KIF15: variants seen among roughly 807,000 people sequenced by gnomAD.
KIF15 encodes the protein kinesin-like protein KIF15.
Under a neutral mutation model 190.6 loss-of-function variants are expected in KIF15, and 140 were observed. The observed-to-expected ratio is 0.73, with a 90% CI of 0.64 to 0.84. KIF15 has a LOEUF of 0.84. KIF15 is among the 40% of genes least tolerant of loss of function. The pLI is 0.00. For synonymous variants in KIF15, 528 were observed against 551.3 expected (o/e 0.96, Z 0.59); for missense variants, 1,372 against 1,584.4 (o/e 0.87, Z 2.28).
Position 44,800,414 on chromosome 3 carries a change from C to T in KIF15, c.1199C>T (p.Pro400Leu). ...GCGGAGCTTGCTTCAGGACAGACAC[C>T]ACCAGAAAGCTTCCTGACCAGAGGT... Reference protein sequence around the residue: ...QLAELASGQTPPESFLTRDKK... With the variant: ...QLAELASGQTLPESFLTRDKK... The change falls in exon 11 of 35, where the codon CCA becomes CTA. Residue 400 changes from proline (P) to leucine (L), a missense_variant. By Grantham distance (98) the Pro-to-Leu change is moderately conservative. Transcript: ENST00000326047. The T allele has an allele frequency of 6.2e-7, 1 of 1,614,034 alleles. No individual in the cohort carries two copies. The highest frequency in any genetic ancestry group is 8.5e-7 in the Non-Finnish European group (1 of 1,179,968).
chr3:44,803,274 A>G (rs1333902467), intron 14 of KIF15, among the ~76,000 whole-genome samples: 2 of 152,236 alleles, frequency 1.3e-5, no homozygotes, highest in African/African-American at 4.8e-5. Flanking sequence ...TTAAATTTTT[A>G]CTAAATTTTC....
intron 20 of KIF15, among the ~76,000 whole-genome samples, chr3:44,817,590 G>A (rs1300905845): frequency 1.3e-5 from 2 of 152,040 alleles, no homozygotes; most frequent in Non-Finnish European, 2.9e-5. Flanking sequence ...GTTCTGTTCC[G>A]TTGGTCTATA....
At chr3:44,849,598 A>G (rs1256449455) in intron 32 of KIF15, among the ~76,000 whole-genome samples, 1 of 152,206 alleles carries the variant, frequency 6.6e-6, no homozygotes, top group Non-Finnish European at 1.5e-5. Context: ...CTAAAATTTT[A>G]CATTTTTCCT....
chr3:44,762,009 C>G, intron 1 of KIF15, 125 bp downstream of exon 1: 1 of 1,251,558 alleles, frequency 8.0e-7, no homozygotes, highest in Middle Eastern at 1.9e-4. Flanking sequence ...GAGTGACCGG[C>G]GGGGACGTTT....
intron 20 of KIF15, among the ~76,000 whole-genome samples, chr3:44,819,516 CA>C (rs1308331809): frequency 6.6e-6 from 1 of 152,170 alleles, no homozygotes. Flanking sequence ...AGTAGTCATT[CA>C]GGAGCAAGTT....
chr3:44,779,867 A>G (rs980879320), intron 4 of KIF15, among the ~76,000 whole-genome samples: 4 of 151,834 alleles, frequency 2.6e-5, no homozygotes, highest in East Asian at 3.9e-4. Context: ...AGAGGACTCA[A>G]TAATATCCAT....
intron 25 of KIF15, among the ~76,000 whole-genome samples, chr3:44,830,352 C>T (rs1303486341): frequency 6.6e-6 from 1 of 151,962 alleles, no homozygotes; most frequent in African/African-American, 2.4e-5. Context: ...TTGGGAATGC[C>T]GGTATAAACT....
At chr3:44,867,173 G>A (rs1235348896) in intron 6 of KIF15, among the ~76,000 whole-genome samples, 8 of 152,134 alleles carry the variant, frequency 5.3e-5, no homozygotes, top group Non-Finnish European at 1.0e-4. Flanking sequence ...ATGTCAGCCC[G>A]ATCTGACTGG....
chr3:44,801,022 TTTTGAGACGCAGTCTCTC>T (rs1486955433), intron 11 of KIF15, among the ~76,000 whole-genome samples: 2 of 151,868 alleles, frequency 1.3e-5, no homozygotes, highest in African/African-American at 2.4e-5. Flanking sequence ...TTTTTTTTTT[TTTTGAGACGCAGTCTCTC>T]TTTGTCACCC....
chr3:44,818,179 C>T (rs1275649028), intron 20 of KIF15, among the ~76,000 whole-genome samples: 6 of 152,162 alleles, frequency 3.9e-5, no homozygotes, highest in Non-Finnish European at 8.8e-5. Context: ...ACAATCATGT[C>T]ATCTGCAAAC....
At chr3:44,821,089 C>G (rs1708263929) in intron 20 of KIF15, among the ~76,000 whole-genome samples, 1 of 147,804 alleles carries the variant, frequency 6.8e-6, no homozygotes, top group Non-Finnish European at 1.5e-5. Context: ...CTGACCCCCC[C>G]CACCTCCCTC....
At chr3:44,772,611 T>TTA (rs1223859351) in intron 1 of KIF15, among the ~76,000 whole-genome samples, 1 of 152,252 alleles carries the variant, frequency 6.6e-6, no homozygotes, top group Non-Finnish European at 1.5e-5. Flanking sequence ...TTTGAGTCCC[T>TTA]TATTACCCGA....
chr3:44,795,148 G>A (rs1706914748), intron 8 of KIF15, among the ~76,000 whole-genome samples: 1 of 152,182 alleles, frequency 6.6e-6, no homozygotes, highest in African/African-American at 2.4e-5. Context: ...TCATACCAGA[G>A]GGGATAAGGG....
intron 9 of KIF15, 54 bp from the exon 10 acceptor site, chr3:44,797,780 A>G: frequency 6.2e-7 from 1 of 1,604,738 alleles, no homozygotes; most frequent in Non-Finnish European, 8.5e-7. Context: ...TTCTTTGCTT[A>G]AAAAGGTCTT....
At chr3:44,830,204 T>C in intron 25 of KIF15, 129 bp downstream of exon 25, 1 of 456,524 alleles carries the variant, frequency 2.2e-6, no homozygotes, top group East Asian at 3.9e-5. Flanking sequence ...TCTAGTTAAA[T>C]AAAGCTCAAC....
chr3:44,863,328 G>C (rs1022390387), intron 6 of KIF15: 1 of 90,586 alleles, frequency 1.1e-5, no homozygotes, highest in African/African-American at 3.6e-5. Flanking sequence ...CTTGTCTCCA[G>C]GCAGGTTTCT....
At chr3:44,808,609 T>A (rs550872513) in intron 16 of KIF15, among the ~76,000 whole-genome samples, 3,621 of 146,434 alleles carry the variant, frequency 0.025, 53 homozygotes, top group Non-Finnish European at 0.038. Context: ...TTTTTTTTTT[T>A]AAAAAAAAAC....
rs1362406114 is a variant in KIF15 at position 44,762,016 on chromosome 3, G to A, written c.19+132G>A. The stretch of plus-strand genomic sequence containing the variant: ...CAGGAGCTGAGTGACCGGCGGGGAC[G>A]TTTGGGAATCCCGCTCTGTCGCTCA... On this transcript the variant is annotated intron_variant, in intron 1 of 34. Transcript: ENST00000326047. 2.6e-6 allele frequency: 3 copies of A among 1,133,100 alleles called. No individual in the cohort carries two copies. In the East Asian group the frequency reaches 7.3e-5, roughly 27 times the overall value. The allele number at this position is 1,133,100 out of a possible 1,614,324, so 70.2% of individuals were successfully genotyped here.
intron 20 of KIF15, among the ~76,000 whole-genome samples, chr3:44,817,421 A>C (rs1032745250): frequency 1.1e-4 from 16 of 152,150 alleles, no homozygotes; most frequent in Non-Finnish European, 2.4e-4. Context: ...TTTTGTATAA[A>C]GTGTAAGGAA....
Sources: gnomAD v4.1 joint callset for allele counts (sites outside exome capture counted in the v4.1 genomes callset) on GRCh38, gnomAD v4.1.1 for gene constraint, MANE v1.5 for transcripts, NCBI Gene and HGNC (gene_info 2026-07-23, HGNC 2026-07-21) for gene names.